The following PIEZO2 variants were observed in gnomAD, a reference collection of about 807,000 sequenced individuals.
The protein encoded by PIEZO2 is piezo-type mechanosensitive ion channel component 2.
In PIEZO2, 172 loss-of-function variants were observed where a neutral mutation model predicts 337.3. That is an observed-to-expected ratio of 0.51 (90% CI 0.45 to 0.58). The LOEUF is 0.58. PIEZO2 is among the 20% of genes least tolerant of loss of function. The pLI is 0.00. For missense variants in PIEZO2, 3,028 were observed against 3,391.3 expected (o/e 0.89, Z 2.66); for synonymous variants, 1,251 against 1,228.5 (o/e 1.02, Z -0.38).
intron 1 of PIEZO2, among the ~76,000 whole-genome samples, chr18:11,133,612 A>T (rs2146249037): frequency 6.6e-6 from 1 of 152,076 alleles, no homozygotes; most frequent in Middle Eastern, 3.4e-3. Flanking sequence ...TGAAAAGGAG[A>T]GATGGGCCTA....
intron 48 of PIEZO2, 138 bp from the exon 49 acceptor site, chr18:10,689,940 A>T: frequency 1.1e-6 from 1 of 942,630 alleles, no homozygotes; most frequent in Non-Finnish European, 1.5e-6. Context: ...CTTCCAGTAA[A>T]ACCCAACTTG....
chr18:11,149,314 TG>T lies in PIEZO2; in HGVS notation c.-727del, dbSNP rs1340298684. On this transcript the variant is annotated 5_prime_UTR_variant, in exon 1 of 56. Coordinates refer to ENST00000674853, the MANE Select transcript of PIEZO2 (RefSeq NM_001378183.1). This position sits in a 1 kb window ranked among gnomAD's most constrained non-coding sequence, Gnocchi z 8.7. ...CCCCGCCACCACGGGGCTCGCCTTG[TG>T]GGTCCGGTGCGCGGGCGGCGCTGCG... Among the ~76,000 whole-genome samples, 2 of 150,950 alleles carry T rather than the reference TG, an allele frequency of 1.3e-5. No individual in the cohort carries two copies. Among genetic ancestry groups the T allele is most frequent in the Non-Finnish European group, 3.0e-5 (2 of 67,734 alleles).
Position 10,811,984 on chromosome 18 carries a change from C to T in PIEZO2, c.918-4710G>A, listed in dbSNP as rs186378424. On this transcript the variant is annotated intron_variant, in intron 7 of 55. Transcript: ENST00000674853. ...GAGTAGCTGAGATTACAGGCGCCCG[C>T]CACCACGCCCGGCTAACTTTTTGTA... Among the ~76,000 whole-genome samples the T allele has an allele frequency of 1.4e-4, 22 of 152,304 alleles. No homozygotes were observed. The East Asian group carries it at 3.9e-3, about 27-fold the overall frequency.
chr18:10,678,785 G>A (rs1390887495), intron 52 of PIEZO2, among the ~76,000 whole-genome samples: 1 of 151,890 alleles, frequency 6.6e-6, no homozygotes. Flanking sequence ...ACTGGCTCAG[G>A]CTGGGCAGAG....
chr18:10,828,261 C>A lies in PIEZO2; in HGVS notation c.918-20987G>T, dbSNP rs2144518457. ...CTATTTGATAGAAAATTTTCCCTAT[C>A]TTCTTAAAAGCTTGTCAATAATGGA... On this transcript the variant is annotated intron_variant, in intron 7 of 55. Coordinates refer to ENST00000674853, the MANE Select transcript of PIEZO2 (RefSeq NM_001378183.1). The surrounding 1 kb of genome is among the most constrained non-coding windows in gnomAD (Gnocchi z 4.1). Among the ~76,000 whole-genome samples, 1 of 151,678 alleles carries A rather than the reference C, an allele frequency of 6.6e-6. No homozygotes were observed. Among genetic ancestry groups the A allele is most frequent in the Admixed American group, 6.6e-5 (1 of 15,230 alleles).
chr18:10,705,632 C>A lies in PIEZO2; in HGVS notation c.5703G>T (p.Glu1901Asp), dbSNP rs868681559. 68 of 1,537,074 alleles carry A rather than the reference C, an allele frequency of 4.4e-5. No individual in the cohort carries two copies. The African/African-American group carries it at 7.8e-4, about 18-fold the overall frequency. The change falls in exon 41 of 56, where the codon GAG becomes GAT. Residue 1901 changes from glutamate (E) to aspartate (D), a missense_variant. By Grantham distance (45) the Glu-to-Asp change is conservative (BLOSUM62 2). Coordinates refer to ENST00000674853, the MANE Select transcript of PIEZO2 (RefSeq NM_001378183.1). ...ACCCAGTGGCCTCGTACTCCTTGGC[C>A]TCCCTGGGCTCAGGCGCCGTGCTCC... ...EAGSTAPEPR[E>D]AKEYEATGYD...
At chr18:10,958,003 TAA>T (rs1422409245) in intron 3 of PIEZO2, among the ~76,000 whole-genome samples, 1 of 151,964 alleles carries the variant, frequency 6.6e-6, no homozygotes, top group East Asian at 1.9e-4. Flanking sequence ...ATCAAAAAGA[TAA>T]AAGATAACAA....
intron 3 of PIEZO2, among the ~76,000 whole-genome samples, chr18:10,935,289 C>G (rs1002900216): frequency 6.6e-6 from 1 of 152,108 alleles, no homozygotes; most frequent in African/African-American, 2.4e-5. Context: ...CTGGAAGAAG[C>G]CTGAATTGTT....
At chr18:11,100,455 C>A (rs1481794552) in intron 1 of PIEZO2, among the ~76,000 whole-genome samples, 1 of 152,352 alleles carries the variant, frequency 6.6e-6, no homozygotes. Flanking sequence ...ACTTAGCCAA[C>A]TCCACAGTAA....
intron 2 of PIEZO2, among the ~76,000 whole-genome samples, chr18:11,026,261 A>G (rs974342190): frequency 1.3e-5 from 2 of 152,212 alleles, no homozygotes; most frequent in African/African-American, 4.8e-5. Flanking sequence ...TTTTATTAAT[A>G]TATTGAAATT....
intron 2 of PIEZO2, among the ~76,000 whole-genome samples, chr18:11,025,521 G>A (rs2036508023): frequency 6.6e-6 from 1 of 152,002 alleles, no homozygotes; most frequent in African/African-American, 2.4e-5. Flanking sequence ...AAAGGGCCCG[G>A]TGCACTAGCG....
At position 10,989,059 on chromosome 18, in the gene PIEZO2, T is replaced by C. The variant is rs138075270; in HGVS notation, c.161-9399A>G. 3.9e-3 allele frequency among the ~76,000 whole-genome samples: 589 copies of C among 152,102 alleles called. 3 individuals carry two copies. The highest frequency in any genetic ancestry group is 5.0e-3 in the Non-Finnish European group (337 of 67,964). On this transcript the variant is annotated intron_variant, in intron 2 of 55. Coordinates refer to ENST00000674853, the MANE Select transcript of PIEZO2 (RefSeq NM_001378183.1). The stretch of plus-strand genomic sequence containing the variant: ...ACAATACTGTATTGTACACTTAAAA[T>C]TGCTACAAGGGAAGATCTTAAGAGA...
At position 10,704,492 on chromosome 18, in the gene PIEZO2, T is replaced by C. The variant is rs148404137; in HGVS notation, c.6160A>G (p.Ile2054Val). ...ILNHMVSASM[I>V]TLLLPILIFL... is the part of the protein sequence containing the mutation. The stretch of plus-strand genomic sequence containing the variant: ...ATGAGGATGGGAAGCAGGAGCGTGA[T>C]CATGGAGGCAGAGACCATGTGGTTG... The change falls in exon 42 of 56, where the codon ATC becomes GTC. Residue 2054 changes from isoleucine to valine, a missense_variant. By Grantham distance (29) the Ile-to-Val change is conservative. Transcript: ENST00000674853. 3 of 1,537,120 alleles carry C rather than the reference T, an allele frequency of 2.0e-6. No individual in the cohort carries two copies. The highest frequency in any genetic ancestry group is 4.9e-5 in the East Asian group (2 of 40,900).
chr18:10,890,861 T>C (rs1230406188), intron 4 of PIEZO2, among the ~76,000 whole-genome samples: 2 of 152,210 alleles, frequency 1.3e-5, no homozygotes. Flanking sequence ...ATGCAGGTCA[T>C]GAATAATTAG....
intron 2 of PIEZO2, among the ~76,000 whole-genome samples, chr18:11,049,744 G>C (rs141126185): frequency 2.1e-3 from 317 of 152,164 alleles, no homozygotes; most frequent in African/African-American, 7.1e-3. Context: ...CTTCTGTCTT[G>C]CCTGCCACCA....
At chr18:10,740,010 C>T (rs1425396673) in intron 33 of PIEZO2, 1 of 152,152 alleles carries the variant, frequency 6.6e-6, no homozygotes, top group Admixed American at 6.5e-5. Context: ...TAGATTCACT[C>T]CTACAATTGT....
intron 1 of PIEZO2, among the ~76,000 whole-genome samples, chr18:11,133,765 G>C (rs909103037): frequency 1.3e-5 from 2 of 151,314 alleles, no homozygotes; most frequent in Non-Finnish European, 2.9e-5. Context: ...TTGTGATCGC[G>C]TAAGTTAATA....
intron 4 of PIEZO2, among the ~76,000 whole-genome samples, chr18:10,876,364 A>G (rs537475864): frequency 6.6e-6 from 1 of 152,338 alleles, no homozygotes; most frequent in East Asian, 1.9e-4. Context: ...TTCTAAGACT[A>G]TTACATGTGA....
chr18:10,994,411 T>C (rs1001628028), intron 2 of PIEZO2, among the ~76,000 whole-genome samples: 35 of 151,622 alleles, frequency 2.3e-4, no homozygotes, highest in African/African-American at 7.5e-4. Context: ...TTTTTTTTTT[T>C]TTTTTTGATA....
Sources: allele counts gnomAD v4.1 joint callset (sites outside exome capture counted in the v4.1 genomes callset), GRCh38; gene constraint gnomAD v4.1.1; non-coding constraint Gnocchi (gnomAD v3.1); transcripts MANE v1.5; gene names NCBI Gene and HGNC (gene_info 2026-07-23, HGNC 2026-07-21).